Variants in SERPINA12 observed in about 807,000 individuals in gnomAD.
SERPINA12 encodes the protein serpin family A member 12, also known as serpin A12.
In SERPINA12, 21 loss-of-function variants were observed where a neutral mutation model predicts 25.9. The observed-to-expected ratio is 0.81, with a 90% CI of 0.58 to 1.17. The LOEUF is 1.17. Among genes scored for constraint, SERPINA12 ranks in the 50% most tolerant of loss-of-function variants. The probability of loss-of-function intolerance (pLI) is 0.00; values close to 1 mark genes in which losing one functional copy is unlikely to be tolerated. For synonymous variants in SERPINA12, 220 were observed against 196.0 expected, an observed-to-expected ratio of 1.12 and a Z score of -1.02; for missense variants, 562 against 508.3, an observed-to-expected ratio of 1.11 and a Z score of -1.02.
At chr14:94,509,869 G>A, upstream of SERPINA12, 1 of 547,866 alleles carries the variant, frequency 1.8e-6, no homozygotes, top group Non-Finnish European at 2.3e-6. Context: ...TCATCTTTGA[G>A]CAGAATCGTC....
Position 94,487,488 on chromosome 14 carries a change from G to A in SERPINA12, c.1060C>T (p.His354Tyr). The A allele has an allele frequency of 8.1e-6, 13 of 1,610,916 alleles. No homozygotes were observed. Among genetic ancestry groups the A allele is most frequent in the Non-Finnish European group, 1.0e-5 (12 of 1,178,642 alleles). Residue 354 changes from histidine (H) to tyrosine (Y), a missense_variant, in exon 5 of 5, where the codon CAC becomes TAC. Coordinates refer to ENST00000677451, the MANE Select transcript of SERPINA12 (RefSeq NM_001382267.1). Reference protein sequence around the residue: ...HRSLKVGEAVHKAELKMDERG... With the variant: ...HRSLKVGEAVYKAELKMDERG... ...TCATCCATCTTCAGCTCAGCCTTGT[G>A]CACAGCCTACGGAAGCCAAGGGCAA...
At chr14:94,510,651 T>G (rs1270943275), upstream of SERPINA12, among the ~76,000 whole-genome samples, 6 of 152,100 alleles carry the variant, frequency 3.9e-5, no homozygotes, top group Admixed American at 1.3e-4. Context: ...AAAAGACACA[T>G]GCACACACAT....
chr14:94,506,236 T>A (rs945135267), intron 1 of SERPINA12, among the ~76,000 whole-genome samples: 1 of 151,866 alleles, frequency 6.6e-6, no homozygotes, highest in African/African-American at 2.4e-5. Context: ...TGTGTAGGGG[T>A]GAGAGGGGAG....
At chr14:94,508,851 G>T (rs1356461426) in intron 1 of SERPINA12, among the ~76,000 whole-genome samples, 1 of 152,150 alleles carries the variant, frequency 6.6e-6, no homozygotes, top group Non-Finnish European at 1.5e-5. Context: ...GGCCAGCTTT[G>T]ATTTTCCTCA....
intron 1 of SERPINA12, among the ~76,000 whole-genome samples, chr14:94,506,249 A>G (rs1037440398): frequency 1.3e-5 from 2 of 152,168 alleles, no homozygotes; most frequent in African/African-American, 4.8e-5. Context: ...GAGGGGAGCT[A>G]GGAATTTCTG....
chr14:94,513,964 G>T (rs766142412), upstream of SERPINA12, among the ~76,000 whole-genome samples: 51 of 152,142 alleles, frequency 3.4e-4, 1 homozygote, highest in Non-Finnish European at 1.0e-4. Flanking sequence ...GTCCGAGAAG[G>T]GGTATGGGTT....
At chr14:94,507,337 C>A (rs139706352) in intron 1 of SERPINA12, among the ~76,000 whole-genome samples, 1 of 152,114 alleles carries the variant, frequency 6.6e-6, no homozygotes, top group African/African-American at 2.4e-5. Context: ...AAAGTATTAA[C>A]CATTTTTACA....
intron 1 of SERPINA12, chr14:94,500,805 G>A: frequency 1.0e-6 from 1 of 975,312 alleles, no homozygotes; most frequent in Non-Finnish European, 1.2e-6. Context: ...CCTTGCCTCT[G>A]GACCCCCAGT....
At position 94,497,967 on chromosome 14, in the gene SERPINA12, A is replaced by T; in HGVS notation, c.431T>A (p.Leu144Gln). The change falls in exon 2 of 5, where the codon CTG becomes CAG. Residue 144 changes from leucine (L) to glutamine (Q), a missense_variant. Leu to Gln is a moderately radical substitution (Grantham distance 113). Transcript: ENST00000677451. Reference protein sequence around the residue: ...IGNTLFIDQRLQPQRKFLEDA... With the variant: ...IGNTLFIDQRQQPQRKFLEDA... ...TTCCAAAAACTTACGCTGTGGCTGC[A>T]GCCTCTGGTCAATGAACAGCGTGTT... 6.2e-7 allele frequency: 1 copy of T among 1,614,226 alleles called. No homozygotes were observed. Among genetic ancestry groups the T allele is most frequent in the East Asian group, 2.2e-5 (1 of 44,892 alleles).
chr14:94,517,125 T>C (rs1462103791), intron 1 of SERPINA12, among the ~76,000 whole-genome samples: 3 of 152,188 alleles, frequency 2.0e-5, no homozygotes, highest in African/African-American at 7.2e-5. Context: ...GTTCCACAGC[T>C]CTCAGCATAA....
intron 3 of SERPINA12, among the ~76,000 whole-genome samples, chr14:94,490,693 C>G (rs1401807470): frequency 6.6e-6 from 1 of 152,156 alleles, no homozygotes; most frequent in Non-Finnish European, 1.5e-5. Context: ...TCCACTCCCT[C>G]CCACAATTGC....
Position 94,496,655 on chromosome 14 carries a change from GA to G in SERPINA12, c.635-13del. On this transcript the variant is annotated splice_polypyrimidine_tract_variant and intron_variant, in intron 2 of 4. Transcript: ENST00000677451. ...ATGTTTCCACCTGGCTTAGATTGAAGAAAGACAAACAGACATGTTATCCCAA... is the reference window on the plus strand; with the variant it reads ...ATGTTTCCACCTGGCTTAGATTGAAGAAGACAAACAGACATGTTATCCCAA... 6.2e-7 allele frequency: 1 copy of G among 1,611,716 alleles called. No homozygotes were observed. Among genetic ancestry groups the G allele is most frequent in the Non-Finnish European group, 8.5e-7 (1 of 1,178,880 alleles).
At chr14:94,500,554 T>A (rs1224901423) in intron 1 of SERPINA12, among the ~76,000 whole-genome samples, 5 of 152,092 alleles carry the variant, frequency 3.3e-5, no homozygotes, top group Admixed American at 6.6e-5. Flanking sequence ...GGGAGGGGCA[T>A]GTGGCTTAAG....
rs751402023 is a variant in SERPINA12 at position 94,487,424 on chromosome 14, G to A, written c.1124C>T (p.Thr375Ile). The A allele has an allele frequency of 1.4e-5, 22 of 1,614,138 alleles. No individual in the cohort carries two copies. In the South Asian group the frequency reaches 2.2e-4, roughly 16 times the overall value. The part of the protein sequence containing the change: ...TEGAAGTGAQ[T>I]LPMETPLVVK... ...GACGAGTGGTGTCTCCATGGGCAGA[G>A]TCTGTGCTCCGGTGCCAGCGGCCCC... Residue 375 changes from threonine (T) to isoleucine (I), a missense_variant, in exon 5 of 5, where the codon ACT becomes ATT. Transcript: ENST00000677451.
upstream of SERPINA12, among the ~76,000 whole-genome samples, chr14:94,510,603 C>G (rs1901084173): frequency 6.6e-6 from 1 of 152,190 alleles, no homozygotes; most frequent in African/African-American, 2.4e-5. Context: ...AATCCCACTA[C>G]TGGGTATCTA....
intron 3 of SERPINA12, among the ~76,000 whole-genome samples, chr14:94,492,971 G>C (rs944334007): frequency 3.9e-5 from 6 of 152,190 alleles, no homozygotes; most frequent in Non-Finnish European, 7.4e-5. Flanking sequence ...GTCATCCGAA[G>C]CCTAAATTCT....
chr14:94,502,796 C>A (rs576168368), intron 1 of SERPINA12, among the ~76,000 whole-genome samples: 70 of 152,370 alleles, frequency 4.6e-4, no homozygotes, highest in African/African-American at 1.6e-3. Context: ...GAGCTTCAGG[C>A]AACCAGTGTG....
upstream of SERPINA12, among the ~76,000 whole-genome samples, chr14:94,509,821 G>A (rs1272033457): frequency 6.6e-6 from 1 of 152,136 alleles, no homozygotes; most frequent in African/African-American, 2.4e-5. Flanking sequence ...AGTGACACAC[G>A]CCATCCCCTC....
At chr14:94,499,559 C>A (rs1900624127) in intron 1 of SERPINA12, among the ~76,000 whole-genome samples, 1 of 152,198 alleles carries the variant, frequency 6.6e-6, no homozygotes, top group Non-Finnish European at 1.5e-5. Flanking sequence ...TCTGTTATAT[C>A]ATTTAGTCTG....
Sources: allele counts gnomAD v4.1 joint callset (sites outside exome capture counted in the v4.1 genomes callset), GRCh38; gene constraint gnomAD v4.1.1; transcripts MANE v1.5; gene names NCBI Gene and HGNC (gene_info 2026-07-23, HGNC 2026-07-21).